FNDC7: variants seen among roughly 807,000 people sequenced by gnomAD.
FNDC7 encodes the protein fibronectin type III domain-containing protein 7.
In FNDC7, 66 loss-of-function variants were observed where a neutral mutation model predicts 74.2. That is an observed-to-expected ratio of 0.89 (90% confidence interval 0.73 to 1.09). FNDC7 has a LOEUF of 1.09. Ranked by LOEUF, FNDC7 falls within the 50% of genes least tolerant of loss-of-function variation. The probability of loss-of-function intolerance (pLI) is 0.00; values close to 1 mark genes in which losing one functional copy is unlikely to be tolerated. For synonymous variants in FNDC7, 307 were observed against 330.2 expected, an observed-to-expected ratio of 0.93 and a Z score of 0.76; for missense variants, 829 against 893.4, an observed-to-expected ratio of 0.93 and a Z score of 0.92.
rs1366000370 is a variant in FNDC7 at position 108,728,803 on chromosome 1, G to GTGGC, written c.1543_1546dup (p.Ser516TrpfsTer70). The GTGGC allele has an allele frequency of 6.2e-7, 1 of 1,614,260 alleles. No individual in the cohort carries two copies. The highest frequency in any genetic ancestry group is 8.5e-7 in the Non-Finnish European group (1 of 1,180,042). On this transcript the variant is annotated frameshift_variant, in exon 8 of 13. Coordinates refer to ENST00000370017, the MANE Select transcript of FNDC7 (RefSeq NM_001144937.3). LOFTEE classifies it high-confidence loss of function. ...TCCTGCACCATGCGGGGCTTGCCCT[G>GTGGC]TGGCTCAGTGTTCTCTGTCACTGCT...
At position 108,736,963 on chromosome 1, in the gene FNDC7, C is replaced by CTTTTTTT. The variant is rs1173562405; in HGVS notation, c.2141-516_2141-510dup. 2.3e-3 allele frequency among the ~76,000 whole-genome samples: 229 copies of CTTTTTTT among 99,386 alleles called. 8 individuals carry two copies. Among genetic ancestry groups the CTTTTTTT allele is most frequent in the Non-Finnish European group, 3.0e-3 (158 of 52,482 alleles). The allele number at this position is 99,386 out of a possible 152,430, so 65.2% of individuals were successfully genotyped here. On this transcript the variant is annotated intron_variant, in intron 10 of 12. Coordinates refer to ENST00000370017, the MANE Select transcript of FNDC7 (RefSeq NM_001144937.3). ...ACAACAAACCTATCAGCTTGGCATT[C>CTTTTTTT]TTTTTTTTTTTTTTTTTTTTTTGAG...
At chr1:108,719,450 G>A (rs1171179528) in intron 4 of FNDC7, among the ~76,000 whole-genome samples, 1 of 152,240 alleles carries the variant, frequency 6.6e-6, no homozygotes, top group Non-Finnish European at 1.5e-5. Context: ...GAGTGAGTGT[G>A]TGCCAACTTT....
In FNDC7 at chr1:108,719,053, A is replaced by G; in HGVS notation, c.598+4A>G. On this transcript the variant is annotated splice_donor_region_variant and intron_variant, in intron 4 of 12. Transcript: ENST00000370017. ...TCCACCTGCAATCAGAGAACAAGTA[A>G]GAACTTCTCAGCTCAGCCTCGAACA... 6.4e-7 allele frequency: 1 copy of G among 1,552,014 alleles called. No individual in the cohort carries two copies. The highest frequency in any genetic ancestry group is 8.7e-7 in the Non-Finnish European group (1 of 1,146,978).
intron 9 of FNDC7, among the ~76,000 whole-genome samples, chr1:108,732,295 T>C (rs1351491377): frequency 6.9e-6 from 1 of 144,036 alleles, no homozygotes. Context: ...GGAGGCGGAG[T>C]TTGCAGTGAG....
chr1:108,739,828 G>C (rs1033023219), intron 11 of FNDC7, among the ~76,000 whole-genome samples: 1 of 151,938 alleles, frequency 6.6e-6, no homozygotes, highest in South Asian at 2.1e-4. Flanking sequence ...CCCTTCCTTA[G>C]CCAGGGCTCA....
At chr1:108,716,363 GTGTGTGTGTGTGTT>G in intron 2 of FNDC7, among the ~76,000 whole-genome samples, 1 of 149,772 alleles carries the variant, frequency 6.7e-6, no homozygotes, top group Non-Finnish European at 1.5e-5. Flanking sequence ...GTGTGTGTGT[GTGTGTGTGTGTGTT>G]GGAAGAGGGA....
chr1:108,730,765 T>C lies in FNDC7; in HGVS notation c.1716T>C (p.His572=). The change falls in exon 9 of 13, where the codon CAT becomes CAC. Residue 572 remains histidine, a synonymous_variant. Coordinates refer to ENST00000370017, the MANE Select transcript of FNDC7 (RefSeq NM_001144937.3). ...SWTIGRVAQT[H]VAVLESHTGQ... ...CTATTGGGAGAGTGGCTCAAACCCATGTTGCAGTTCTGGAGTCACACACTG... is the reference window on the plus strand; with the variant it reads ...CTATTGGGAGAGTGGCTCAAACCCACGTTGCAGTTCTGGAGTCACACACTG... The C allele has an allele frequency of 6.2e-7, 1 of 1,613,988 alleles. No individual in the cohort carries two copies. Among genetic ancestry groups the C allele is most frequent in the Non-Finnish European group, 8.5e-7 (1 of 1,179,946 alleles).
chr1:108,726,037 C>A, intron 6 of FNDC7, 33 bp downstream of exon 6: 1 of 1,608,342 alleles, frequency 6.2e-7, no homozygotes, highest in South Asian at 1.1e-5. Flanking sequence ...TAAGGGAGTT[C>A]TGAGATCTCT....
chr1:108,718,749 G>C (rs1165720393), intron 3 of FNDC7, 40 bp from the exon 4 acceptor site: 1 of 1,543,664 alleles, frequency 6.5e-7, no homozygotes, highest in African/African-American at 1.4e-5. Flanking sequence ...TCCTCTATTG[G>C]ACTTTGGTAA....
chr1:108,738,150 C>T (rs1661558988), intron 11 of FNDC7, among the ~76,000 whole-genome samples: 1 of 152,198 alleles, frequency 6.6e-6, no homozygotes, highest in Non-Finnish European at 1.5e-5. Flanking sequence ...GGTCTGACCA[C>T]ACATGGAGTA....
At chr1:108,731,177 A>G (rs1041055537) in intron 9 of FNDC7, among the ~76,000 whole-genome samples, 3 of 152,218 alleles carry the variant, frequency 2.0e-5, no homozygotes, top group African/African-American at 4.8e-5. Flanking sequence ...TGAAGGGACC[A>G]TGTATCTTTA....
chr1:108,718,022 G>T lies in FNDC7; in HGVS notation c.328G>T (p.Ala110Ser). Residue 110 changes from alanine to serine, a missense_variant, in exon 3 of 13, where the codon GCA becomes TCA. Transcript: ENST00000370017. ...AAGCCAGGCGTCACCTCCAAAGCAG[G>T]CAAAGACAGGTGGCTGGATGGATGC... Reference protein sequence around the residue: ...GRSQASPPKQAKTVLAAPILE... With the variant: ...GRSQASPPKQSKTVLAAPILE... 1 of 1,551,496 alleles carries T rather than the reference G, an allele frequency of 6.4e-7. No homozygotes were observed. Among genetic ancestry groups the T allele is most frequent in the Non-Finnish European group, 8.7e-7 (1 of 1,146,796 alleles).
rs886721770 is a variant in FNDC7 at position 108,742,590 on chromosome 1, A to G, written c.*703A>G. 1 of 152,154 alleles carries G rather than the reference A, an allele frequency of 6.6e-6. No individual in the cohort carries two copies. Among genetic ancestry groups the G allele is most frequent in the South Asian group, 2.1e-4 (1 of 4,824 alleles). The allele number at this position is 152,154 out of a possible 1,614,324, so 9.4% of individuals were successfully genotyped here. On this transcript the variant is annotated 3_prime_UTR_variant, in exon 13 of 13. Transcript: ENST00000370017. The stretch of plus-strand genomic sequence containing the variant: ...CTTTCTGCATGAGAGAAGATGTCAA[A>G]TGGAGAGCCTCAAACTGTGGCCGAC...
chr1:108,723,075 T>A (rs1661132802), intron 5 of FNDC7, among the ~76,000 whole-genome samples: 1 of 152,242 alleles, frequency 6.6e-6, no homozygotes, highest in African/African-American at 2.4e-5. Context: ...CATACACATG[T>A]GGAAGTTGAC....
At position 108,728,861 on chromosome 1, in the gene FNDC7, C is replaced by T. The variant is rs1456632159; in HGVS notation, c.1599C>T (p.Pro533=). ...AAACACAGGCAGGACGGAGCCTGCC[C>T]AGCTACAGTGTGCCCCTGGAAACAG... is the stretch of plus-strand genomic sequence containing the variant. The part of the protein sequence containing the change: ...VAETQAGRSL[P]SYSVPLETVP... The change falls in exon 8 of 13, where the codon CCC becomes CCT. Residue 533 remains proline, a synonymous_variant. Transcript: ENST00000370017. 1.5e-5 allele frequency: 24 copies of T among 1,614,182 alleles called. No individual in the cohort carries two copies. The highest frequency in any genetic ancestry group is 1.9e-5 in the Non-Finnish European group (23 of 1,180,028).
At position 108,717,896 on chromosome 1, in the gene FNDC7, G is replaced by C. The variant is rs1056855704; in HGVS notation, c.202G>C (p.Val68Leu). 7 of 1,551,738 alleles carry C rather than the reference G, an allele frequency of 4.5e-6. No homozygotes were observed. The highest frequency in any genetic ancestry group is 6.1e-6 in the Non-Finnish European group (7 of 1,147,006). The part of the protein sequence containing the change: ...YLLTAEDGDT[V>L]IETTVANSPG... ...CCTCACGGCTGAAGACGGGGACACAGTCATTGAAACCACGGTGGCCAATTC... is the reference window on the plus strand; with the variant it reads ...CCTCACGGCTGAAGACGGGGACACACTCATTGAAACCACGGTGGCCAATTC... Residue 68 changes from valine to leucine, a missense_variant, in exon 3 of 13, where the codon GTC becomes CTC. By Grantham distance (32) the Val-to-Leu change is conservative. Transcript: ENST00000370017.
At chr1:108,738,002 G>A (rs1454149353) in intron 11 of FNDC7, among the ~76,000 whole-genome samples, 2 of 152,216 alleles carry the variant, frequency 1.3e-5, no homozygotes, top group African/African-American at 2.4e-5. Flanking sequence ...CTTTAGAGCC[G>A]TGCTTCTCAA....
chr1:108,733,288 G>T lies in FNDC7; in HGVS notation c.1896G>T (p.Leu632Phe), dbSNP rs1661433797. 1 of 1,609,794 alleles carries T rather than the reference G, an allele frequency of 6.2e-7. No homozygotes were observed. The highest frequency in any genetic ancestry group is 1.7e-5 in the Admixed American group (1 of 59,938). ...ATTGCCTAGGTGCCTGCTGCCCTTTGGGGGTGAAATTATATAGGCTGGGCC... is the reference window on the plus strand; with the variant it reads ...ATTGCCTAGGTGCCTGCTGCCCTTTTGGGGTGAAATTATATAGGCTGGGCC... ...QSYFSGACCP[L>F]GVKLYRLGPN... is the part of the protein sequence containing the mutation. The change falls in exon 10 of 13, where the codon TTG becomes TTT. Residue 632 changes from leucine to phenylalanine, a missense_variant. Transcript: ENST00000370017.
At chr1:108,717,754 T>C (rs367936534) in intron 2 of FNDC7, 23 bp from the exon 3 acceptor site, 1 of 1,549,474 alleles carries the variant, frequency 6.5e-7, no homozygotes, top group African/African-American at 1.4e-5. Flanking sequence ...TTGGCTAATG[T>C]ACAACTCTAA....
Sources: allele counts gnomAD v4.1 joint callset (sites outside exome capture counted in the v4.1 genomes callset), GRCh38; gene constraint gnomAD v4.1.1; transcripts MANE v1.5; gene names NCBI Gene and HGNC (gene_info 2026-07-23, HGNC 2026-07-21).